The following CEP112 variants were observed in gnomAD, a reference collection of about 807,000 sequenced individuals.
The protein encoded by CEP112 is centrosomal protein 112.
A neutral mutation model predicts 153.0 loss-of-function variants in CEP112; 127 were observed. The observed-to-expected ratio is 0.83, with a 90% CI of 0.72 to 0.96. CEP112 has a LOEUF of 0.96. Among genes scored for constraint, CEP112 ranks in the 40% least tolerant of loss-of-function variants. The pLI is 0.00. For synonymous variants in CEP112, 358 were observed against 374.4 expected (o/e 0.96, Z 0.51); for missense variants, 1,089 against 1,101.2 (o/e 0.99, Z 0.16).
At chr17:65,652,922 C>T (rs1035560101) in intron 24 of CEP112, among the ~76,000 whole-genome samples, 1 of 152,208 alleles carries the variant, frequency 6.6e-6, no homozygotes, top group Non-Finnish European at 1.5e-5. Flanking sequence ...AGGGTGCCAA[C>T]ATGGCCAGGT....
At chr17:66,128,377 G>A (rs1037526795) in intron 6 of CEP112, among the ~76,000 whole-genome samples, 3 of 149,568 alleles carry the variant, frequency 2.0e-5, no homozygotes, top group East Asian at 4.0e-4. Flanking sequence ...TCAAGACCTT[G>A]TCTGCATTTC....
chr17:65,895,667 G>A (rs966667569), intron 20 of CEP112, among the ~76,000 whole-genome samples: 52 of 152,150 alleles, frequency 3.4e-4, no homozygotes, highest in African/African-American at 1.2e-3. Flanking sequence ...GATAGAAAGA[G>A]CACTAAATTC....
At chr17:66,095,222 A>G (rs1207811312) in intron 8 of CEP112, among the ~76,000 whole-genome samples, 6 of 152,192 alleles carry the variant, frequency 3.9e-5, no homozygotes, top group African/African-American at 9.7e-5. Flanking sequence ...GCAATAGCCA[A>G]GATATAGAAT....
intron 21 of CEP112, among the ~76,000 whole-genome samples, chr17:65,822,424 T>TAA (rs2056637790): frequency 6.6e-6 from 1 of 152,232 alleles, no homozygotes; most frequent in African/African-American, 2.4e-5. Flanking sequence ...TCGTATACTG[T>TAA]AAAACATCTC....
intron 24 of CEP112, among the ~76,000 whole-genome samples, chr17:65,643,979 G>A (rs2045293402): frequency 6.6e-6 from 1 of 152,112 alleles, no homozygotes; most frequent in African/African-American, 2.4e-5. Flanking sequence ...GTTCTTCCAT[G>A]CCATACAGCA....
rs138339863 is a variant in CEP112 at position 66,146,515 on chromosome 17, T to C, written c.471-13752A>G. On this transcript the variant is annotated intron_variant, in intron 4 of 26. Coordinates refer to ENST00000535342, the MANE Select transcript of CEP112 (RefSeq NM_001199165.4). ...TGTTTTATTATCAATTGTGGTAAAA[T>C]ACATATAACACAAAATTTACAGTCT... Among the ~76,000 whole-genome samples, 331 of 152,250 alleles carry C rather than the reference T, an allele frequency of 2.2e-3. 9 individuals carry two copies. The East Asian group carries it at 0.058, about 27-fold the overall frequency.
At chr17:65,654,241 T>G (rs2045946850) in intron 24 of CEP112, among the ~76,000 whole-genome samples, 1 of 152,130 alleles carries the variant, frequency 6.6e-6, no homozygotes, top group Non-Finnish European at 1.5e-5. Flanking sequence ...TTAAGAAAGG[T>G]GCTCTGCTGC....
intron 6 of CEP112, among the ~76,000 whole-genome samples, chr17:66,123,452 A>C (rs1598396463): frequency 1.3e-5 from 2 of 152,236 alleles, no homozygotes; most frequent in African/African-American, 4.8e-5. Flanking sequence ...GAAAAGTGAA[A>C]GCGAGTCATG....
chr17:66,027,257 G>C (rs1180140560), intron 16 of CEP112, among the ~76,000 whole-genome samples: 1 of 152,010 alleles, frequency 6.6e-6, no homozygotes, highest in East Asian at 1.9e-4. Context: ...CACACCTGTA[G>C]TCCCAGCTAC....
At chr17:65,712,670 C>T (rs2049261717) in intron 23 of CEP112, among the ~76,000 whole-genome samples, 1 of 152,092 alleles carries the variant, frequency 6.6e-6, no homozygotes, top group South Asian at 2.1e-4. Context: ...ACAAAAAAAA[C>T]CCTCTGCTTT....
At chr17:65,742,084 TTA>T (rs2051171759) in intron 23 of CEP112, among the ~76,000 whole-genome samples, 1 of 152,022 alleles carries the variant, frequency 6.6e-6, no homozygotes, top group Non-Finnish European at 1.5e-5. Flanking sequence ...TTAAGGCTTT[TTA>T]TTCTATCTAG....
chr17:66,066,507 T>C (rs947808181), intron 10 of CEP112, among the ~76,000 whole-genome samples: 1 of 151,972 alleles, frequency 6.6e-6, no homozygotes, highest in Non-Finnish European at 1.5e-5. Context: ...GAAAGCAACA[T>C]ACTCTTCCAA....
intron 4 of CEP112, among the ~76,000 whole-genome samples, chr17:66,163,236 G>T (rs2071789295): frequency 6.6e-6 from 1 of 152,054 alleles, no homozygotes; most frequent in Non-Finnish European, 1.5e-5. Context: ...CACTGTACAT[G>T]TTTTTTGCAT....
intron 20 of CEP112, among the ~76,000 whole-genome samples, chr17:65,869,793 G>GC (rs1360716533): frequency 1.3e-5 from 2 of 151,754 alleles, no homozygotes; most frequent in Non-Finnish European, 2.9e-5. Flanking sequence ...CACCGTGTTA[G>GC]CCAGGATGGT....
chr17:66,089,511 G>A (rs2068059984), intron 8 of CEP112, among the ~76,000 whole-genome samples: 1 of 152,006 alleles, frequency 6.6e-6, no homozygotes, highest in Non-Finnish European at 1.5e-5. Context: ...ATCAAATTCT[G>A]GAGCTGCAAA....
chr17:65,993,093 C>G (rs183413346), intron 17 of CEP112, among the ~76,000 whole-genome samples: 92 of 152,268 alleles, frequency 6.0e-4, no homozygotes, highest in Admixed American at 1.2e-3. Context: ...CTCTCTCCCC[C>G]ACCTCACCCC....
chr17:65,798,594 C>A (rs1230951555), intron 21 of CEP112, among the ~76,000 whole-genome samples: 1 of 152,206 alleles, frequency 6.6e-6, no homozygotes, highest in Non-Finnish European at 1.5e-5. Flanking sequence ...TTTAGATTTG[C>A]ACATCACCTT....
intron 16 of CEP112, among the ~76,000 whole-genome samples, chr17:66,025,860 C>G (rs2065177931): frequency 6.8e-6 from 1 of 148,004 alleles, no homozygotes; most frequent in Non-Finnish European, 1.5e-5. Flanking sequence ...TTCACAATAG[C>G]AAAACATGGA....
chr17:65,784,948 C>T (rs1050427679), intron 21 of CEP112, among the ~76,000 whole-genome samples: 1 of 151,912 alleles, frequency 6.6e-6, no homozygotes, highest in Non-Finnish European at 1.5e-5. Context: ...CAAAAAACAA[C>T]AAAAAAAGAA....
Sources: gnomAD v4.1 joint callset for allele counts (sites outside exome capture counted in the v4.1 genomes callset) on GRCh38, gnomAD v4.1.1 for gene constraint, MANE v1.5 for transcripts, NCBI Gene and HGNC (gene_info 2026-07-23, HGNC 2026-07-21) for gene names.